The following CNTN2 variants were observed in gnomAD, a reference collection of about 807,000 sequenced individuals.
CNTN2 encodes contactin-2.
CNTN2 carries 53 observed loss-of-function variants against 117.5 expected under a neutral mutation model. That is an observed-to-expected ratio of 0.45 (90% CI 0.36 to 0.57). CNTN2 has a LOEUF of 0.57. Among genes scored for constraint, CNTN2 ranks in the 20% least tolerant of loss-of-function variants. The pLI is 0.00. For synonymous variants in CNTN2, 530 were observed against 561.7 expected, an observed-to-expected ratio of 0.94 and a Z score of 0.80; for missense variants, 1,106 against 1,404.3, an observed-to-expected ratio of 0.79 and a Z score of 3.39.
Position 205,064,397 on chromosome 1 carries a change from C to T in CNTN2, c.1316C>T (p.Pro439Leu). 1.2e-6 allele frequency: 2 copies of T among 1,612,806 alleles called. No individual in the cohort carries two copies. Among genetic ancestry groups the T allele is most frequent in the Non-Finnish European group, 1.7e-6 (2 of 1,178,896 alleles). ...PAARGGEILI[P>L]CQPRAAPKAV... ...GCCCGCGGGGGAGAGATCCTTATCC[C>T]CTGCCAGCCCCGGGCAGCTCCAAAG... The change falls in exon 11 of 23, where the codon CCC becomes CTC. Residue 439 changes from proline (P) to leucine (L), a missense_variant. Pro to Leu is a moderately conservative substitution (Grantham distance 98). Transcript: ENST00000331830.
chr1:205,064,310 C>G lies in CNTN2; in HGVS notation c.1241-12C>G, dbSNP rs1008856771. ...CAGTACTTTTCTCTGTGGCTCTCCC[C>G]TTTCCTTCTAGCACTCGCCCCTGAC... On this transcript the variant is annotated splice_polypyrimidine_tract_variant and intron_variant, in intron 10 of 22. Transcript: ENST00000331830. 5.8e-6 allele frequency: 9 copies of G among 1,549,302 alleles called. No individual in the cohort carries two copies. In the African/African-American group the frequency reaches 8.3e-5, roughly 14 times the overall value.
In CNTN2 at chr1:205,065,055, C is replaced by A; in HGVS notation, c.1520-32C>A. The A allele has an allele frequency of 1.2e-6, 2 of 1,609,998 alleles. No homozygotes were observed. Among genetic ancestry groups the A allele is most frequent in the East Asian group, 2.2e-5 (1 of 44,842 alleles). ...CCCGGCCTGGGCCCATTTCCTCCCC[C>A]ATCCACCCAAGGGCCTTGTTTTTCT... On this transcript the variant is annotated intron_variant, in intron 12 of 22. Transcript: ENST00000331830. This position sits in a 1 kb window ranked among gnomAD's most constrained non-coding sequence, Gnocchi z 4.1.
At chr1:205,044,659 C>T (rs1373608785) in intron 1 of CNTN2, among the ~76,000 whole-genome samples, 1 of 152,204 alleles carries the variant, frequency 6.6e-6, no homozygotes, top group Non-Finnish European at 1.5e-5. Flanking sequence ...AACCGTCTGG[C>T]CAAAGACGCC....
chr1:205,058,712 C>T lies in CNTN2; in HGVS notation c.487+49C>T, dbSNP rs369806950. On this transcript the variant is annotated intron_variant, in intron 5 of 22. Transcript: ENST00000331830. This position sits in a 1 kb window ranked among gnomAD's most constrained non-coding sequence, Gnocchi z 4.3. ...GTTAGAGAGGGCACAGGAAGGGCTT[C>T]CAGATGCTTGGCAGAGGAAGGATGG... 6.9e-5 allele frequency: 100 copies of T among 1,441,750 alleles called. No individual in the cohort carries two copies. Among genetic ancestry groups the T allele is most frequent in the Non-Finnish European group, 8.9e-5 (93 of 1,039,144 alleles). 89.3% of individuals were successfully genotyped at this position (1,441,750 alleles called of 1,614,324 possible).
In CNTN2 at chr1:205,072,925, T is replaced by A. The variant is rs772494843; in HGVS notation, c.2845-143T>A. 32 of 861,814 alleles carry A rather than the reference T, an allele frequency of 3.7e-5. 1 individual carries two copies. In the South Asian group the frequency reaches 5.7e-4, roughly 15 times the overall value. 53.4% of individuals were successfully genotyped at this position (861,814 alleles called of 1,614,324 possible). A position where few individuals can be genotyped will look rare whatever the true frequency, so the allele number is the denominator to read the frequency against. ...AAGCTTTCCTCCACCAATGAGGAGC[T>A]TTGTCAATGGGGAGGAGGGGTGAGG... On this transcript the variant is annotated intron_variant, in intron 21 of 22. Coordinates refer to ENST00000331830, the MANE Select transcript of CNTN2 (RefSeq NM_005076.5).
Position 205,061,524 on chromosome 1 carries a change from G to T in CNTN2, c.973+104G>T. 3 of 1,339,224 alleles carry T rather than the reference G, an allele frequency of 2.2e-6. No homozygotes were observed. The highest frequency in any genetic ancestry group is 2.5e-5 in the East Asian group (1 of 39,414). 83.0% of individuals were successfully genotyped at this position (1,339,224 alleles called of 1,614,324 possible). A position where few individuals can be genotyped will look rare whatever the true frequency, so the allele number is the denominator to read the frequency against. On this transcript the variant is annotated intron_variant, in intron 8 of 22. Transcript: ENST00000331830. The surrounding 1 kb of genome is among the most constrained non-coding windows in gnomAD (Gnocchi z 4.8). ...CAAAAGTCAGGGAGGAGACTGGGAGGCCCCCTGCATGAGCCTGCTTGCCCT... is the reference window on the plus strand; with the variant it reads ...CAAAAGTCAGGGAGGAGACTGGGAGTCCCCCTGCATGAGCCTGCTTGCCCT...
Position 205,062,520 on chromosome 1 carries a change from A to G in CNTN2, c.1191A>G (p.Ala397=). The change falls in exon 10 of 23, where the codon GCA becomes GCG. Residue 397 remains alanine, a synonymous_variant. Transcript: ENST00000331830. The part of the protein sequence containing the change: ...LEDSGMYQCV[A]ENKHGTIYAS... ...ACTCGGGCATGTACCAGTGTGTGGC[A>G]GAGAATAAGCACGGTACCATCTACG... 1 of 1,614,118 alleles carries G rather than the reference A, an allele frequency of 6.2e-7. No individual in the cohort carries two copies. The highest frequency in any genetic ancestry group is 8.5e-7 in the Non-Finnish European group (1 of 1,180,004).
intron 2 of CNTN2, chr1:205,057,151 TG>T (rs1464110457): frequency 2.0e-5 from 3 of 152,294 alleles, no homozygotes; most frequent in Middle Eastern, 3.2e-3. Context: ...AGGGTTTGTC[TG>T]GCTGAATCCT....
chr1:205,070,458 A>C lies in CNTN2; in HGVS notation c.2464A>C (p.Lys822Gln), dbSNP rs141428194. The C allele has an allele frequency of 1.4e-4, 218 of 1,613,844 alleles. No homozygotes were observed. The highest frequency in any genetic ancestry group is 1.7e-4 in the Non-Finnish European group (199 of 1,179,948). ...GGTGGCCCCTACCAAGGTGTGGGCC[A>C]AAGGGGTCTCATCCTCAGAGATGAA... ...PRVAPTKVWAKGVSSSEMNVT... is the reference protein window; with the variant it reads ...PRVAPTKVWAQGVSSSEMNVT... Residue 822 changes from lysine (K) to glutamine (Q), a missense_variant, in exon 19 of 23, where the codon AAA (lysine) becomes CAA (glutamine). Physicochemically the swap from Lys to Gln is moderately conservative, Grantham distance 53. Transcript: ENST00000331830.
At position 205,075,488 on chromosome 1, in the gene CNTN2, C is replaced by G. The variant is rs1423986110; in HGVS notation, c.*1723C>G. ...TCACAGGGGGCAGCGGGACAGGCATCTTGAAGGGCATATGTCCTCGGAAGC... is the reference window on the plus strand; with the variant it reads ...TCACAGGGGGCAGCGGGACAGGCATGTTGAAGGGCATATGTCCTCGGAAGC... On this transcript the variant is annotated 3_prime_UTR_variant, in exon 23 of 23. Coordinates refer to ENST00000331830, the MANE Select transcript of CNTN2 (RefSeq NM_005076.5). 2.0e-5 allele frequency: 3 copies of G among 152,656 alleles called. No individual in the cohort carries two copies. Among genetic ancestry groups the G allele is most frequent in the Non-Finnish European group, 4.4e-5 (3 of 68,072 alleles). The allele number at this position is 152,656 out of a possible 1,614,324, so 9.5% of individuals were successfully genotyped here.
chr1:205,060,931 G>A (rs1653941321), intron 7 of CNTN2: 1 of 291,358 alleles, frequency 3.4e-6, no homozygotes, highest in Non-Finnish European at 6.4e-6. Flanking sequence ...CAGACCCAGA[G>A]GCATGGTGAC....
At chr1:205,071,572 G>C (rs893885039) in intron 19 of CNTN2, among the ~76,000 whole-genome samples, 20 of 152,218 alleles carry the variant, frequency 1.3e-4, no homozygotes, top group African/African-American at 4.8e-4. Flanking sequence ...TCAGAAGCTT[G>C]CTTAGGGCCA....
rs1654040248 is a variant in CNTN2 at position 205,062,446 on chromosome 1, G to A, written c.1117G>A (p.Val373Met). 2 of 1,613,436 alleles carry A rather than the reference G, an allele frequency of 1.2e-6. No homozygotes were observed. The highest frequency in any genetic ancestry group is 1.7e-6 in the Non-Finnish European group (2 of 1,179,604). Residue 373 changes from valine to methionine, a missense_variant, in exon 10 of 23, where the codon GTG becomes ATG. Transcript: ENST00000331830. ...NGEPLASQNR[V>M]EVLAGDLRFS... Reference sequence around the variant, plus strand: ...TCTGGGCTCTTCTGCACAGAACCGGGTGGAGGTGTTGGCTGGGGACCTGCG... The same window carrying A: ...TCTGGGCTCTTCTGCACAGAACCGGATGGAGGTGTTGGCTGGGGACCTGCG...
rs761643020 is a variant in CNTN2, at chr1:205,064,397, C to A, written c.1316C>A (p.Pro439His). ...PAARGGEILI[P>H]CQPRAAPKAV... ...GCCCGCGGGGGAGAGATCCTTATCC[C>A]CTGCCAGCCCCGGGCAGCTCCAAAG... Residue 439 changes from proline to histidine, a missense_variant, in exon 11 of 23, where the codon CCC becomes CAC. By Grantham distance (77) the Pro-to-His change is moderately conservative. Transcript: ENST00000331830. 16 of 1,612,806 alleles carry A rather than the reference C, an allele frequency of 9.9e-6. No individual in the cohort carries two copies. The Admixed American group carries it at 2.5e-4, about 25-fold the overall frequency.
At chr1:205,066,207 A>G (rs1654281396) in intron 14 of CNTN2, 1 of 613,570 alleles carries the variant, frequency 1.6e-6, no homozygotes. Flanking sequence ...GCACCTCTCC[A>G]TGTGACAGCC....
In CNTN2 at chr1:205,065,487, T is replaced by C. The variant is rs1185928865; in HGVS notation, c.1695+225T>C. ...AGGGTTAGGGACAAACCTGGAGTTG[T>C]GGGCAGCCACCAAGACACTCCCACT... On this transcript the variant is annotated intron_variant, in intron 13 of 22. Coordinates refer to ENST00000331830, the MANE Select transcript of CNTN2 (RefSeq NM_005076.5). This position sits in a 1 kb window ranked among gnomAD's most constrained non-coding sequence, Gnocchi z 4.1. Among the ~76,000 whole-genome samples the C allele has an allele frequency of 6.6e-6, 1 of 152,118 alleles. No individual in the cohort carries two copies. The highest frequency in any genetic ancestry group is 1.9e-4 in the East Asian group (1 of 5,166).
rs767036707 is a variant in CNTN2, at chr1:205,053,150, TCTC to T, written c.-31_-29del. The T allele has an allele frequency of 2.5e-6, 4 of 1,580,050 alleles. No individual in the cohort carries two copies. The highest frequency in any genetic ancestry group is 2.3e-5 in the East Asian group (1 of 43,798). Reference sequence around the variant, plus strand: ...TGTCCCCAAGCTGAGCTGAGGCTCTTCTCCTCCGATCCCCACCTCTGCCCGGAC... The same window carrying T: ...TGTCCCCAAGCTGAGCTGAGGCTCTTCTCCGATCCCCACCTCTGCCCGGAC... On this transcript the variant is annotated 5_prime_UTR_variant, in exon 2 of 23. Transcript: ENST00000331830.
chr1:205,046,868 T>C (rs1055486414), intron 1 of CNTN2, among the ~76,000 whole-genome samples: 1 of 152,092 alleles, frequency 6.6e-6, no homozygotes, highest in Non-Finnish European at 1.5e-5. Flanking sequence ...TGGCTTCTGA[T>C]CCTGAGCTTC....
rs4017875 is a variant in CNTN2, at chr1:205,048,910, C to CGTGTGTGT, written c.-86-4147_-86-4140dup. Reference sequence around the variant, plus strand: ...GCTCCAGCCTTTAGCCCAGACTCTGCGTGTGTGTGTGTGTGTGTGTGTGTG... The same window carrying CGTGTGTGT: ...GCTCCAGCCTTTAGCCCAGACTCTGCGTGTGTGTGTGTGTGTGTGTGTGTGTGTGTGTG... On this transcript the variant is annotated intron_variant, in intron 1 of 22. Coordinates refer to ENST00000331830, the MANE Select transcript of CNTN2 (RefSeq NM_005076.5). The surrounding 1 kb of genome is among the most constrained non-coding windows in gnomAD (Gnocchi z 4.1). Among the ~76,000 whole-genome samples, 259 of 127,876 alleles carry CGTGTGTGT rather than the reference C, an allele frequency of 2.0e-3. 1 individual carries two copies. Among genetic ancestry groups the CGTGTGTGT allele is most frequent in the African/African-American group, 6.9e-3 (234 of 33,742 alleles). 83.9% of individuals were successfully genotyped at this position (127,876 alleles called of 152,430 possible). A position where few individuals can be genotyped will look rare whatever the true frequency, so the allele number is the denominator to read the frequency against.
Sources: gnomAD v4.1 joint callset for allele counts (sites outside exome capture counted in the v4.1 genomes callset) on GRCh38, gnomAD v4.1.1 for gene constraint, Gnocchi (gnomAD v3.1) non-coding constraint, MANE v1.5 for transcripts, NCBI Gene and HGNC (gene_info 2026-07-23, HGNC 2026-07-21) for gene names.